LRCH1: variants seen among roughly 807,000 people sequenced by gnomAD.
LRCH1 encodes leucine-rich repeat and calponin homology domain-containing protein 1.
Under a neutral mutation model 94.9 loss-of-function variants are expected in LRCH1, and 23 were observed. The observed-to-expected ratio is 0.24, with a 90% CI of 0.17 to 0.34. The LOEUF is 0.34. LRCH1 is among the 10% of genes least tolerant of loss of function. The pLI, the probability that LRCH1 is intolerant of heterozygous loss-of-function variation, is 1.00. For synonymous variants in LRCH1, 364 were observed against 354.9 expected (o/e 1.03, Z -0.29); for missense variants, 790 against 945.9 (o/e 0.84, Z 2.16).
chr13:46,627,274 G>A (rs1594297278), intron 1 of LRCH1, among the ~76,000 whole-genome samples: 1 of 152,088 alleles, frequency 6.6e-6, no homozygotes, highest in East Asian at 1.9e-4. Flanking sequence ...TAACATTTGG[G>A]GCTTAAGCAT....
intron 1 of LRCH1, among the ~76,000 whole-genome samples, chr13:46,561,653 T>A (rs1035477369): frequency 6.6e-6 from 1 of 152,230 alleles, no homozygotes; most frequent in Non-Finnish European, 1.5e-5. Context: ...TTAACTACTT[T>A]ATCTCTGCAG....
downstream of LRCH1, among the ~76,000 whole-genome samples, chr13:46,749,455 T>A (rs967178716): frequency 6.6e-6 from 1 of 152,176 alleles, no homozygotes; most frequent in Non-Finnish European, 1.5e-5. Context: ...ATAATGTATT[T>A]TATACTTGAA....
chr13:46,749,339 A>G (rs1874032711), downstream of LRCH1, among the ~76,000 whole-genome samples: 1 of 152,210 alleles, frequency 6.6e-6, no homozygotes, highest in Non-Finnish European at 1.5e-5. Flanking sequence ...AAAAACGTTG[A>G]ATTCACAAAA....
intron 1 of LRCH1, among the ~76,000 whole-genome samples, chr13:46,627,114 A>G (rs971900825): frequency 1.3e-5 from 2 of 152,224 alleles, no homozygotes; most frequent in Non-Finnish European, 2.9e-5. Context: ...TCATAGATGT[A>G]CTACTTGGAG....
chr13:46,596,850 G>A (rs146446238), intron 1 of LRCH1, among the ~76,000 whole-genome samples: 2 of 152,322 alleles, frequency 1.3e-5, no homozygotes, highest in East Asian at 1.9e-4. Context: ...TTGGGGGAGT[G>A]AAGAGGACAT....
At chr13:46,566,413 T>G (rs2050184895) in intron 1 of LRCH1, among the ~76,000 whole-genome samples, 1 of 152,202 alleles carries the variant, frequency 6.6e-6, no homozygotes, top group Non-Finnish European at 1.5e-5. Context: ...AACATCTCCC[T>G]GAGGCTACTG....
chr13:46,576,161 C>G lies in LRCH1; in HGVS notation c.307+22458C>G, dbSNP rs537570596. Among the ~76,000 whole-genome samples the G allele has an allele frequency of 7.2e-5, 11 of 152,246 alleles. No homozygotes were observed. In the East Asian group the frequency reaches 1.9e-3, roughly 27 times the overall value. On this transcript the variant is annotated intron_variant, in intron 1 of 19. Transcript: ENST00000389797. ...AAAGCCAGCTGGATTAGACATTTGCCGTGAGCCTTTTGTTCATGTAACTTA... is the reference window on the plus strand; with the variant it reads ...AAAGCCAGCTGGATTAGACATTTGCGGTGAGCCTTTTGTTCATGTAACTTA...
intron 13 of LRCH1, among the ~76,000 whole-genome samples, chr13:46,710,643 A>G (rs1872015869): frequency 6.6e-6 from 1 of 152,208 alleles, no homozygotes; most frequent in Non-Finnish European, 1.5e-5. Context: ...TTGAATAGGG[A>G]TATTTGTGAC....
chr13:46,601,605 G>T lies in LRCH1; in HGVS notation c.307+47902G>T, dbSNP rs142306868. 9.0e-4 allele frequency among the ~76,000 whole-genome samples: 137 copies of T among 152,204 alleles called. 1 individual carries two copies. The East Asian group carries it at 0.023, about 25-fold the overall frequency. On this transcript the variant is annotated intron_variant, in intron 1 of 19. Transcript: ENST00000389797. ...CATCAAATTCTTTTAAATCCAGGTG[G>T]GGCTCAGCTCCCTCTGAAGTATCAC...
At chr13:46,723,767 T>C (rs945927213) in intron 17 of LRCH1, among the ~76,000 whole-genome samples, 2 of 151,912 alleles carry the variant, frequency 1.3e-5, no homozygotes, top group African/African-American at 4.8e-5. Context: ...ACCACTTCAC[T>C]TCAGCCTGGG....
intron 1 of LRCH1, among the ~76,000 whole-genome samples, chr13:46,569,760 A>G (rs2050221882): frequency 6.6e-6 from 1 of 152,078 alleles, no homozygotes. Context: ...TAGTGTTCCC[A>G]TATGTTCCAG....
At chr13:46,662,973 G>T (rs2051468918) in intron 2 of LRCH1, among the ~76,000 whole-genome samples, 1 of 152,110 alleles carries the variant, frequency 6.6e-6, no homozygotes, top group Non-Finnish European at 1.5e-5. Context: ...TATGTGTTTG[G>T]AGTGTGAAAT....
intron 16 of LRCH1, among the ~76,000 whole-genome samples, chr13:46,719,511 C>T (rs1455379081): frequency 6.6e-6 from 1 of 152,132 alleles, no homozygotes; most frequent in African/African-American, 2.4e-5. Context: ...AGATTACTCC[C>T]AGCTCAGAGA....
rs754320129 is a variant in LRCH1, at chr13:46,742,395, C to T, written c.*547C>T. 9 of 989,480 alleles carry T rather than the reference C, an allele frequency of 9.1e-6. No homozygotes were observed. Among genetic ancestry groups the T allele is most frequent in the East Asian group, 1.1e-4 (1 of 8,970 alleles). The allele number at this position is 989,480 out of a possible 1,614,324, so 61.3% of individuals were successfully genotyped here. On this transcript the variant is annotated 3_prime_UTR_variant, in exon 20 of 20. Transcript: ENST00000389797. The stretch of plus-strand genomic sequence containing the variant: ...CTACTGACCAAGTTGGACGTGTACA[C>T]GTACTCACACTGCCTTGATGGCCAT...
chr13:46,730,350 G>T (rs1432341932), intron 18 of LRCH1, among the ~76,000 whole-genome samples: 6 of 152,000 alleles, frequency 3.9e-5, no homozygotes, highest in African/African-American at 1.5e-4. Context: ...TGTTTATATG[G>T]CAAGTTTTGG....
chr13:46,627,691 G>A (rs2138037861), intron 1 of LRCH1, among the ~76,000 whole-genome samples: 1 of 152,248 alleles, frequency 6.6e-6, no homozygotes, highest in East Asian at 1.9e-4. Context: ...TTTTCCCACT[G>A]GAGTCTGGCA....
chr13:46,554,350 T>C (rs1280821061), intron 1 of LRCH1, among the ~76,000 whole-genome samples: 4 of 152,194 alleles, frequency 2.6e-5, no homozygotes, highest in Non-Finnish European at 5.9e-5. Flanking sequence ...GCCGGGCTTG[T>C]AGTGAATCCC....
chr13:46,610,750 G>A (rs1250526252), intron 1 of LRCH1, among the ~76,000 whole-genome samples: 1 of 152,106 alleles, frequency 6.6e-6, no homozygotes, highest in Non-Finnish European at 1.5e-5. Flanking sequence ...AGGCATTTGT[G>A]CTGGTTCCAT....
At chr13:46,614,803 G>A (rs2050787585) in intron 1 of LRCH1, among the ~76,000 whole-genome samples, 1 of 152,178 alleles carries the variant, frequency 6.6e-6, no homozygotes, top group Non-Finnish European at 1.5e-5. Context: ...TTACTCTATT[G>A]TATATCACGG....
Sources: gnomAD v4.1 joint callset for allele counts (sites outside exome capture counted in the v4.1 genomes callset) on GRCh38, gnomAD v4.1.1 for gene constraint, MANE v1.5 for transcripts, NCBI Gene and HGNC (gene_info 2026-07-23, HGNC 2026-07-21) for gene names.